PTPA: variants seen among roughly 807,000 people sequenced by gnomAD.
PTPA encodes serine/threonine-protein phosphatase 2A activator.
In PTPA, 13 loss-of-function variants were observed where a neutral mutation model predicts 43.6. The observed-to-expected ratio is 0.30, with a 90% CI of 0.19 to 0.47. The LOEUF is 0.47. PTPA is among the 20% of genes least tolerant of loss of function. The pLI is 0.99. For synonymous variants in PTPA, 172 were observed against 158.2 expected (o/e 1.09, Z -0.66); for missense variants, 329 against 411.9 (o/e 0.80, Z 1.74).
rs1055184757 is a variant in PTPA, at chr9:129,142,329, CGTGTGCGTTTGTGTGTGTGTGT to C, written c.787-109_787-88del. The C allele has an allele frequency of 2.3e-5, 20 of 887,714 alleles. No homozygotes were observed. The African/African-American group carries it at 3.2e-4, about 14-fold the overall frequency. The allele number at this position is 887,714 out of a possible 1,614,324, so 55.0% of individuals were successfully genotyped here. On this transcript the variant is annotated intron_variant, in intron 8 of 9. Coordinates refer to ENST00000393370, the MANE Select transcript of PTPA (RefSeq NM_178000.3). ...CAAGTGTCTGCGCGTGCATTGTGTG[CGTGTGCGTTTGTGTGTGTGTGT>C]GTGTGCATGCATGGGTGTGACTTTG...
chr9:129,129,356 A>G (rs1849795510), intron 4 of PTPA, among the ~76,000 whole-genome samples: 1 of 152,244 alleles, frequency 6.6e-6, no homozygotes, highest in African/African-American at 2.4e-5. Context: ...ACTGTATTAC[A>G]GCAAACTGGA....
intron 3 of PTPA, among the ~76,000 whole-genome samples, chr9:129,124,435 T>C (rs2131567186): frequency 6.6e-6 from 1 of 152,364 alleles, no homozygotes; most frequent in South Asian, 2.1e-4. Flanking sequence ...CACATAGATC[T>C]GTGGGCCTTG....
Position 129,136,554 on chromosome 9 carries a change from T to A in PTPA, c.644T>A (p.Phe215Tyr). The A allele has an allele frequency of 6.2e-7, 1 of 1,613,782 alleles. No homozygotes were observed. Among genetic ancestry groups the A allele is most frequent in the Non-Finnish European group, 8.5e-7 (1 of 1,179,836 alleles). ...CAGGGAGTGTGGGGTCTGGATGACTTCCAGTTTCTGCCCTTCATCTGGGGC... is the reference window on the plus strand; with the variant it reads ...CAGGGAGTGTGGGGTCTGGATGACTACCAGTTTCTGCCCTTCATCTGGGGC... The part of the protein sequence containing the change: ...GSQGVWGLDD[F>Y]QFLPFIWGSS... The change falls in exon 7 of 10, where the codon TTC (phenylalanine) becomes TAC (tyrosine). Residue 215 changes from phenylalanine (F) to tyrosine (Y), a missense_variant. Coordinates refer to ENST00000393370, the MANE Select transcript of PTPA (RefSeq NM_178000.3).
chr9:129,118,791 A>AG (rs1327526838), intron 1 of PTPA, among the ~76,000 whole-genome samples: 1 of 149,822 alleles, frequency 6.7e-6, no homozygotes, highest in Non-Finnish European at 1.5e-5. Flanking sequence ...CTGAGATTAC[A>AG]GGTGTGAGCC....
chr9:129,113,106 T>C (rs1387218582), intron 1 of PTPA, among the ~76,000 whole-genome samples: 3 of 152,014 alleles, frequency 2.0e-5, no homozygotes, highest in Non-Finnish European at 1.5e-5. Flanking sequence ...TGTGTTTCTT[T>C]TTTTTGAGAC....
At chr9:129,134,262 G>A (rs1224270418) in intron 5 of PTPA, among the ~76,000 whole-genome samples, 2 of 147,726 alleles carry the variant, frequency 1.4e-5, no homozygotes, top group Non-Finnish European at 3.0e-5. Flanking sequence ...TCCAGCCCGG[G>A]TCTTTTACGA....
chr9:129,127,671 G>A (rs988330982), intron 3 of PTPA, among the ~76,000 whole-genome samples: 2 of 152,116 alleles, frequency 1.3e-5, no homozygotes, highest in African/African-American at 2.4e-5. Flanking sequence ...AATGCTGCCC[G>A]CACCTCTGAC....
intron 9 of PTPA, among the ~76,000 whole-genome samples, chr9:129,144,516 A>G (rs931925067): frequency 2.6e-5 from 4 of 152,024 alleles, no homozygotes; most frequent in Non-Finnish European, 5.9e-5. Context: ...AGGTGGGCGG[A>G]TCACGAGGTC....
At chr9:129,114,693 C>T (rs1469768251) in intron 1 of PTPA, among the ~76,000 whole-genome samples, 2 of 152,118 alleles carry the variant, frequency 1.3e-5, no homozygotes, top group Non-Finnish European at 2.9e-5. Flanking sequence ...TAGGAAGGAA[C>T]ATTTCTAAAA....
At chr9:129,117,777 A>G (rs1290350506) in intron 1 of PTPA, among the ~76,000 whole-genome samples, 1 of 150,978 alleles carries the variant, frequency 6.6e-6, no homozygotes, top group African/African-American at 2.4e-5. Context: ...GCTCACTGCA[A>G]GCTCTGCCTC....
At position 129,137,635 on chromosome 9, in the gene PTPA, C is replaced by T. The variant is rs150647017; in HGVS notation, c.729C>T (p.Ala243=). 3.3e-5 allele frequency: 53 copies of T among 1,612,936 alleles called. No homozygotes were observed. The South Asian group carries it at 3.5e-4, about 11-fold the overall frequency. The part of the protein sequence containing the change: ...LEPRHFVDEK[A]VNENHKDYMF... ...CCAGACACTTTGTGGATGAGAAGGC[C>T]GTGAATGAGAACCACAAGGACTACA... The change falls in exon 8 of 10, where the codon GCC becomes GCT. Residue 243 remains alanine (A), a synonymous_variant. Coordinates refer to ENST00000393370, the MANE Select transcript of PTPA (RefSeq NM_178000.3).
At chr9:129,116,430 A>G (rs1329660331) in intron 1 of PTPA, among the ~76,000 whole-genome samples, 1 of 134,486 alleles carries the variant, frequency 7.4e-6, no homozygotes, top group Non-Finnish European at 1.5e-5. Context: ...TCTGTTGACC[A>G]GGCTGGAGTG....
At chr9:129,130,775 C>T (rs1849907184) in intron 4 of PTPA, among the ~76,000 whole-genome samples, 1 of 152,216 alleles carries the variant, frequency 6.6e-6, no homozygotes, top group African/African-American at 2.4e-5. Flanking sequence ...ACTCACCACT[C>T]ATGCCAAGTT....
At chr9:129,111,852 C>A (rs1848520698) in intron 1 of PTPA, 2 of 1,173,756 alleles carry the variant, frequency 1.7e-6, no homozygotes, top group Admixed American at 8.5e-5. Context: ...GTGATTGGGG[C>A]GCAACTCTGG....
intron 3 of PTPA, among the ~76,000 whole-genome samples, chr9:129,126,198 T>C (rs955859078): frequency 6.6e-6 from 1 of 151,882 alleles, no homozygotes; most frequent in African/African-American, 2.4e-5. Context: ...TATTTATTTT[T>C]ATTTTTATTT....
intron 9 of PTPA, chr9:129,143,573 C>T: frequency 1.6e-6 from 1 of 640,760 alleles, no homozygotes. Context: ...CAGATGCTTC[C>T]AGTTGGCTTG....
rs746169678 is a variant in PTPA at position 129,123,045 on chromosome 9, T to G, written c.130-7T>G. On this transcript the variant is annotated splice_polypyrimidine_tract_variant and splice_region_variant and intron_variant, in intron 2 of 9. Coordinates refer to ENST00000393370, the MANE Select transcript of PTPA (RefSeq NM_178000.3). Reference sequence around the variant, plus strand: ...TCCCCATCCCCATTCTCCTCTCTGTTTGGTAGGCATACGCTGACTACATCG... The same window carrying G: ...TCCCCATCCCCATTCTCCTCTCTGTGTGGTAGGCATACGCTGACTACATCG... 6.2e-7 allele frequency: 1 copy of G among 1,600,630 alleles called. No individual in the cohort carries two copies. The highest frequency in any genetic ancestry group is 8.5e-7 in the Non-Finnish European group (1 of 1,170,822).
chr9:129,112,994 T>G (rs1339647376), intron 1 of PTPA, among the ~76,000 whole-genome samples: 1 of 151,604 alleles, frequency 6.6e-6, no homozygotes, highest in African/African-American at 2.4e-5. Flanking sequence ...TAAGCCACAT[T>G]GGAAGCAGAA....
intron 3 of PTPA, among the ~76,000 whole-genome samples, chr9:129,124,220 T>A (rs554690139): frequency 7.9e-5 from 12 of 152,182 alleles, no homozygotes; most frequent in African/African-American, 2.4e-4. Context: ...ATTTTTTTTT[T>A]AAATATAGAG....
Sources: allele counts gnomAD v4.1 joint callset (sites outside exome capture counted in the v4.1 genomes callset), GRCh38; gene constraint gnomAD v4.1.1; transcripts MANE v1.5; gene names NCBI Gene and HGNC (gene_info 2026-07-23, HGNC 2026-07-21).